The following GRIK5 variants were observed in gnomAD, a reference collection of about 807,000 sequenced individuals.
The protein encoded by GRIK5 is glutamate ionotropic receptor kainate type subunit 5.
Under a neutral mutation model 97.4 loss-of-function variants are expected in GRIK5, and 43 were observed. The observed-to-expected ratio is 0.44, with a 90% CI of 0.35 to 0.57. GRIK5 has a LOEUF of 0.57. GRIK5 is among the 20% of genes least tolerant of loss of function. GRIK5 has a pLI of 0.01. For synonymous variants in GRIK5, 580 were observed against 583.5 expected, an observed-to-expected ratio of 0.99 and a Z score of 0.09; for missense variants, 1,015 against 1,382.0, an observed-to-expected ratio of 0.73 and a Z score of 4.21.
rs1555872821 is a variant in GRIK5, at chr19:42,006,786, G to T, written c.1896C>A (p.Ile632=). Residue 632 remains isoleucine, a synonymous_variant, in exon 16 of 20, where the codon ATC becomes ATA. Transcript: ENST00000593562. The surrounding 1 kb of genome is among the most constrained non-coding windows in gnomAD (Gnocchi z 5.3). ...CGGCCAGGTTGGCCGTGTAGGAGGA[G>T]ATGATGATCAAGGTGAAGGCCCACC... ...GVWWAFTLII[I]SSYTANLAAF... 6.2e-7 allele frequency: 1 copy of T among 1,610,606 alleles called. No homozygotes were observed. The highest frequency in any genetic ancestry group is 8.5e-7 in the Non-Finnish European group (1 of 1,177,990).
rs1322068780 is a variant in GRIK5, at chr19:42,003,314, C to G, written c.2514+18G>C. ...GGGGGTCCCTGTTCCTGCCCACCCC[C>G]ACCCCCAGCCTCCTCACCTCCTCGG... On this transcript the variant is annotated intron_variant, in intron 19 of 19. Transcript: ENST00000593562. The surrounding 1 kb of genome is among the most constrained non-coding windows in gnomAD (Gnocchi z 4.2). The G allele has an allele frequency of 7.6e-6, 12 of 1,587,588 alleles. No individual in the cohort carries two copies. Among genetic ancestry groups the G allele is most frequent in the Non-Finnish European group, 9.5e-6 (11 of 1,158,702 alleles).
At position 42,053,897 on chromosome 19, in the gene GRIK5, C is replaced by T. The variant is rs552075607; in HGVS notation, c.1089G>A (p.Glu363=). 8.7e-6 allele frequency: 14 copies of T among 1,613,940 alleles called. No individual in the cohort carries two copies. In the African/African-American group the frequency reaches 1.2e-4, roughly 14 times the overall value. The part of the protein sequence containing the change: ...VEYDGLTGRV[E]FNSKGQRTNY... ...TGGTTCTCTGCCCTTTGCTGTTGAA[C>T]TCGACCCGCCCGGTCAGCCCATCAT... The change falls in exon 10 of 20, where the codon GAG becomes GAA. Residue 363 remains glutamate, a synonymous_variant. Coordinates refer to ENST00000593562, the MANE Select transcript of GRIK5 (RefSeq NM_002088.5).
chr19:42,023,958 G>A (rs376007867), intron 12 of GRIK5, among the ~76,000 whole-genome samples: 3 of 152,170 alleles, frequency 2.0e-5, no homozygotes, highest in Admixed American at 6.5e-5. Context: ...AGGCCCTGGC[G>A]ACCTAGGGCT....
intron 11 of GRIK5, among the ~76,000 whole-genome samples, chr19:42,049,605 G>C (rs1359234373): frequency 1.3e-5 from 2 of 152,140 alleles, no homozygotes; most frequent in African/African-American, 4.8e-5. Flanking sequence ...CTGAGATGGG[G>C]GTTAGCCTTG....
At chr19:42,045,989 G>A (rs2076038797) in intron 11 of GRIK5, among the ~76,000 whole-genome samples, 1 of 152,130 alleles carries the variant, frequency 6.6e-6, no homozygotes. Context: ...ACCCAGGTTG[G>A]GTATCAAAGC....
intron 11 of GRIK5, among the ~76,000 whole-genome samples, chr19:42,052,464 C>T (rs552405539): frequency 7.4e-4 from 112 of 152,286 alleles, no homozygotes; most frequent in Non-Finnish European, 1.4e-3. Flanking sequence ...GATCACTGGC[C>T]CTGCTCCAGA....
At chr19:42,024,479 T>C (rs962311981) in intron 12 of GRIK5, among the ~76,000 whole-genome samples, 4 of 152,042 alleles carry the variant, frequency 2.6e-5, no homozygotes, top group Non-Finnish European at 2.9e-5. Flanking sequence ...TCCCAAAGTG[T>C]TGGGATTACA....
In GRIK5 at chr19:42,021,444, G is replaced by A. The variant is rs199767090; in HGVS notation, c.1728C>T (p.His576=). The change falls in exon 15 of 20, where the codon CAC becomes CAT. Residue 576 remains histidine, a synonymous_variant. Coordinates refer to ENST00000593562, the MANE Select transcript of GRIK5 (RefSeq NM_002088.5). The surrounding 1 kb of genome is among the most constrained non-coding windows in gnomAD (Gnocchi z 4.2). ...TGTGGGGGCGTGCCCGCAGGCATGG[G>A]TGTGGGTTATACCACTCATAGGGGC... The part of the protein sequence containing the change: ...RLSPYEWYNP[H]PCLRARPHIL... 3.0e-5 allele frequency: 48 copies of A among 1,601,266 alleles called. No individual in the cohort carries two copies. In the Admixed American group the frequency reaches 8.1e-4, roughly 27 times the overall value.
At position 42,062,417 on chromosome 19, in the gene GRIK5, T is replaced by G; in HGVS notation, c.508+71A>C. 2 of 1,507,730 alleles carry G rather than the reference T, an allele frequency of 1.3e-6. No individual in the cohort carries two copies. The highest frequency in any genetic ancestry group is 2.3e-5 in the South Asian group (2 of 85,314). The allele number at this position is 1,507,730 out of a possible 1,614,324, so 93.4% of individuals were successfully genotyped here. On this transcript the variant is annotated intron_variant, in intron 5 of 19. Coordinates refer to ENST00000593562, the MANE Select transcript of GRIK5 (RefSeq NM_002088.5). This position sits in a 1 kb window ranked among gnomAD's most constrained non-coding sequence, Gnocchi z 5.3. The stretch of plus-strand genomic sequence containing the variant: ...CTAACTAGGGGGCAGTGAACCACTG[T>G]GTGGGACACCAGATCTCTTGGGAAG...
intron 7 of GRIK5, 47 bp from the exon 8 acceptor site, chr19:42,056,870 G>A (rs776873015): frequency 1.2e-6 from 2 of 1,612,708 alleles, no homozygotes; most frequent in East Asian, 2.2e-5. Context: ...GCCCTAATGG[G>A]ACAGCTGTGA....
At position 42,037,025 on chromosome 19, in the gene GRIK5, C is replaced by T. The variant is rs138794156; in HGVS notation, c.1473+5527G>A. Among the ~76,000 whole-genome samples, 282 of 152,346 alleles carry T rather than the reference C, an allele frequency of 1.9e-3. 5 individuals carry two copies. Among genetic ancestry groups the T allele is most frequent in the African/African-American group, 6.3e-3 (263 of 41,580 alleles). On this transcript the variant is annotated intron_variant, in intron 12 of 19. Coordinates refer to ENST00000593562, the MANE Select transcript of GRIK5 (RefSeq NM_002088.5). ...GTAAGGAGTAAGTCCAGATTTGAAC[C>T]CAGGGTTAGCCGACTCCAAAACCCA...
At chr19:42,054,744 A>C (rs148903229) in intron 8 of GRIK5, among the ~76,000 whole-genome samples, 22 of 152,174 alleles carry the variant, frequency 1.4e-4, no homozygotes, top group African/African-American at 3.9e-4. Flanking sequence ...GGGTGCCTGG[A>C]TAGCTAGCTG....
In GRIK5 at chr19:42,022,220, T is replaced by C. The variant is rs2075708388; in HGVS notation, c.1587+21A>G. 4 of 1,573,784 alleles carry C rather than the reference T, an allele frequency of 2.5e-6. No homozygotes were observed. The highest frequency in any genetic ancestry group is 1.7e-4 in the Middle Eastern group (1 of 5,960). The stretch of plus-strand genomic sequence containing the variant: ...GCCTCCATGCCAGGCAAGCAGCCCA[T>C]GGTCTCCAGGGGAACCATACCATGT... On this transcript the variant is annotated intron_variant, in intron 13 of 19. Transcript: ENST00000593562. This position sits in a 1 kb window ranked among gnomAD's most constrained non-coding sequence, Gnocchi z 4.2.
chr19:42,044,925 G>A (rs1380559155), intron 11 of GRIK5, among the ~76,000 whole-genome samples: 1 of 152,192 alleles, frequency 6.6e-6, no homozygotes, highest in Non-Finnish European at 1.5e-5. Context: ...GAGATGGAGC[G>A]AGACTCTCTC....
rs769372681 is a variant in GRIK5 at position 42,059,574 on chromosome 19, G to A, written c.509-47C>T. The stretch of plus-strand genomic sequence containing the variant: ...GGGTTGGAGCCCTTCTGGGTACCCA[G>A]GCATGGCGTAGACACTCTCTCCTCC... On this transcript the variant is annotated intron_variant, in intron 5 of 19. Coordinates refer to ENST00000593562, the MANE Select transcript of GRIK5 (RefSeq NM_002088.5). 2.0e-6 allele frequency: 3 copies of A among 1,527,298 alleles called. No homozygotes were observed. In the South Asian group the frequency reaches 3.4e-5, roughly 17 times the overall value. 94.6% of individuals were successfully genotyped at this position (1,527,298 alleles called of 1,614,324 possible).
rs754888348 is a variant in GRIK5 at position 42,053,629 on chromosome 19, G to A, written c.1242C>T (p.Asn414=). The change falls in exon 11 of 20, where the codon AAC becomes AAT. Residue 414 remains asparagine, a synonymous_variant. Transcript: ENST00000593562. The part of the protein sequence containing the change: ...LDINLSQTLA[N]KTLVVTTILE... Reference sequence around the variant, plus strand: ...GGATGGTTGTGACCACCAGGGTCTTGTTGGCCAGTGTCTGCGACAGGTTGA... The same window carrying A: ...GGATGGTTGTGACCACCAGGGTCTTATTGGCCAGTGTCTGCGACAGGTTGA... 10 of 1,612,356 alleles carry A rather than the reference G, an allele frequency of 6.2e-6. No homozygotes were observed. The highest frequency in any genetic ancestry group is 1.3e-5 in the African/African-American group (1 of 75,014).
Position 42,006,130 on chromosome 19 carries a change from G to A in GRIK5, c.2038-182C>T, listed in dbSNP as rs565698928. On this transcript the variant is annotated intron_variant, in intron 16 of 19. Coordinates refer to ENST00000593562, the MANE Select transcript of GRIK5 (RefSeq NM_002088.5). This position sits in a 1 kb window ranked among gnomAD's most constrained non-coding sequence, Gnocchi z 5.3. ...GACAAACTGTCCAGGCCAGGTCCAA[G>A]TCATCCCCACAGCCACTGTGCCCAC... is the stretch of plus-strand genomic sequence containing the variant. Among the ~76,000 whole-genome samples the A allele has an allele frequency of 2.0e-5, 3 of 152,240 alleles. No homozygotes were observed. The highest frequency in any genetic ancestry group is 7.2e-5 in the African/African-American group (3 of 41,534).
rs200540291 is a variant in GRIK5 at position 42,003,478 on chromosome 19, G to A, written c.2393-25C>T. 1.5e-5 allele frequency: 24 copies of A among 1,612,346 alleles called. No homozygotes were observed. The East Asian group carries it at 1.8e-4, about 12-fold the overall frequency. On this transcript the variant is annotated intron_variant, in intron 18 of 19. Transcript: ENST00000593562. The surrounding 1 kb of genome is among the most constrained non-coding windows in gnomAD (Gnocchi z 4.2). ...CCTGGAGGGCGAAGGGAGTTGGGGG[G>A]CAAAGGGAGTTGGGGCTGTGTGGGA...
At chr19:42,063,415 ACTT>A (rs1160971258) in intron 3 of GRIK5, 1 of 454,262 alleles carries the variant, frequency 2.2e-6, no homozygotes, top group East Asian at 7.0e-5. Context: ...CAGAACCCTA[ACTT>A]CTCCTGGGGG....
Sources: allele counts gnomAD v4.1 joint callset (sites outside exome capture counted in the v4.1 genomes callset), GRCh38; gene constraint gnomAD v4.1.1; non-coding constraint Gnocchi (gnomAD v3.1); transcripts MANE v1.5; gene names NCBI Gene and HGNC (gene_info 2026-07-23, HGNC 2026-07-21).